Variants in MMUT observed in about 807,000 individuals in gnomAD.
MMUT encodes the protein methylmalonyl-CoA mutase, mitochondrial.
In MMUT, 79 loss-of-function variants were observed where a neutral mutation model predicts 79.9. That is an observed-to-expected ratio of 0.99 (90% CI 0.82 to 1.19). The LOEUF (loss-of-function observed/expected upper bound fraction) is 1.19, where lower values mean the gene tolerates loss of function less well. Ranked by LOEUF, MMUT falls within the 50% of genes most tolerant of loss-of-function variation. The pLI is 0.00. For missense variants in MMUT, 860 were observed against 917.2 expected (o/e 0.94, Z 0.81); for synonymous variants, 273 against 295.7 (o/e 0.92, Z 0.79).
chr6:49,444,769 A>G lies in MMUT; in HGVS notation c.1561-15T>C. On this transcript the variant is annotated splice_polypyrimidine_tract_variant and intron_variant, in intron 8 of 12. Transcript: ENST00000274813. ...CTGGATTTGATCTATGGAAAAAGTCAAGGAAAGGGACAATTTACATGAAGA... is the reference window on the plus strand; with the variant it reads ...CTGGATTTGATCTATGGAAAAAGTCGAGGAAAGGGACAATTTACATGAAGA... 6.3e-7 allele frequency: 1 copy of G among 1,578,790 alleles called. No individual in the cohort carries two copies. The highest frequency in any genetic ancestry group is 2.2e-5 in the East Asian group (1 of 44,716).
In MMUT at chr6:49,431,385, C is replaced by T. The variant is rs1307363938; in HGVS notation, c.*343G>A. 3 of 166,232 alleles carry T rather than the reference C, an allele frequency of 1.8e-5. No individual in the cohort carries two copies. The highest frequency in any genetic ancestry group is 3.9e-5 in the Non-Finnish European group (3 of 76,982). 10.3% of individuals were successfully genotyped at this position (166,232 alleles called of 1,614,324 possible). A position where few individuals can be genotyped will look rare whatever the true frequency, so the allele number is the denominator to read the frequency against. The stretch of plus-strand genomic sequence containing the variant: ...GGAATAGTCAGAGTTTTTTTAGGTA[C>T]AGTTTAATTCTTAATATAAAAAGTA... On this transcript the variant is annotated 3_prime_UTR_variant, in exon 13 of 13. Coordinates refer to ENST00000274813, the MANE Select transcript of MMUT (RefSeq NM_000255.4).
intron 9 of MMUT, among the ~76,000 whole-genome samples, chr6:49,443,336 A>T (rs1186264485): frequency 6.6e-6 from 1 of 152,176 alleles, no homozygotes; most frequent in East Asian, 1.9e-4. Context: ...AAAGATTCCG[A>T]ATCCCTAAGC....
chr6:49,431,655 A>C lies in MMUT; in HGVS notation c.*73T>G, dbSNP rs548852414. The C allele has an allele frequency of 6.8e-7, 1 of 1,479,962 alleles. No homozygotes were observed. Among genetic ancestry groups the C allele is most frequent in the South Asian group, 1.2e-5 (1 of 85,218 alleles). The allele number at this position is 1,479,962 out of a possible 1,614,324, so 91.7% of individuals were successfully genotyped here. A position where few individuals can be genotyped will look rare whatever the true frequency, so the allele number is the denominator to read the frequency against. On this transcript the variant is annotated 3_prime_UTR_variant, in exon 13 of 13. Coordinates refer to ENST00000274813, the MANE Select transcript of MMUT (RefSeq NM_000255.4). ...ATCAGGTATTGAAATTAAATTGAAG[A>C]CATAGCTTTACTCTCTTCTTTGATC...
At chr6:49,445,516 C>T (rs1354532240) in intron 8 of MMUT, among the ~76,000 whole-genome samples, 1 of 152,020 alleles carries the variant, frequency 6.6e-6, no homozygotes, top group Admixed American at 6.6e-5. Context: ...CCACTGCCCA[C>T]CCTATCCACA....
intron 9 of MMUT, among the ~76,000 whole-genome samples, chr6:49,442,510 G>C (rs1767303189): frequency 6.6e-6 from 1 of 152,044 alleles, no homozygotes; most frequent in Admixed American, 6.6e-5. Flanking sequence ...AGAGGATGCA[G>C]ATGATAAATA....
intron 12 of MMUT, among the ~76,000 whole-genome samples, chr6:49,433,344 T>C (rs1427119391): frequency 6.6e-6 from 1 of 152,192 alleles, no homozygotes; most frequent in African/African-American, 2.4e-5. Flanking sequence ...CTGCAAGATG[T>C]TGCAACTGAA....
intron 1 of MMUT, among the ~76,000 whole-genome samples, chr6:49,461,425 C>T (rs929743050): frequency 6.6e-6 from 1 of 152,250 alleles, no homozygotes; most frequent in East Asian, 1.9e-4. Flanking sequence ...ATTGTAAGTG[C>T]AACAGGTTCA....
chr6:49,437,063 T>TA (rs1423194087), intron 11 of MMUT, among the ~76,000 whole-genome samples: 1 of 152,056 alleles, frequency 6.6e-6, no homozygotes, highest in East Asian at 1.9e-4. Flanking sequence ...AAATAAAAGT[T>TA]AAAAAAACAA....
intron 12 of MMUT, among the ~76,000 whole-genome samples, chr6:49,432,831 A>G (rs1208829188): frequency 6.6e-6 from 1 of 152,298 alleles, no homozygotes; most frequent in African/African-American, 2.4e-5. Flanking sequence ...GAACCTGATC[A>G]TTATCCAGTA....
At chr6:49,452,079 A>C (rs1260123344) in intron 5 of MMUT, among the ~76,000 whole-genome samples, 2 of 152,202 alleles carry the variant, frequency 1.3e-5, no homozygotes, top group Non-Finnish European at 2.9e-5. Flanking sequence ...CACAGTATCT[A>C]CCACAATGAT....
intron 10 of MMUT, 39 bp from the exon 11 acceptor site, chr6:49,440,392 A>G (rs1767244446): frequency 1.3e-6 from 2 of 1,597,424 alleles, no homozygotes; most frequent in South Asian, 2.2e-5. Context: ...GTTAGATACT[A>G]ATTTTCCAAA....
rs1766984611 is a variant in MMUT at position 49,431,756 on chromosome 6, C to T, written c.2225G>A (p.Cys742Tyr). 3 of 1,613,838 alleles carry T rather than the reference C, an allele frequency of 1.9e-6. No homozygotes were observed. Among genetic ancestry groups the T allele is most frequent in the Non-Finnish European group, 2.5e-6 (3 of 1,179,870 alleles). ...AVQVLDDIEK[C>Y]LEKKQQSV ...TACAGATTGCTGCTTCTTTTCCAAACACTTCTCAATATCATCAAGCACCTG... is the reference window on the plus strand; with the variant it reads ...TACAGATTGCTGCTTCTTTTCCAAATACTTCTCAATATCATCAAGCACCTG... Residue 742 changes from cysteine to tyrosine, a missense_variant, in exon 13 of 13, where the codon TGT (cysteine) becomes TAT (tyrosine). By Grantham distance (194) the Cys-to-Tyr change is radical. Transcript: ENST00000274813.
intron 4 of MMUT, 79 bp downstream of exon 4, chr6:49,456,001 T>G: frequency 4.9e-6 from 6 of 1,219,032 alleles, no homozygotes; most frequent in Non-Finnish European, 7.0e-6. Flanking sequence ...TTTATATTTA[T>G]AAATTCATTT....
rs890404598 is a variant in MMUT at position 49,457,726 on chromosome 6, T to C, written c.718A>G (p.Lys240Glu). The C allele has an allele frequency of 6.2e-7, 1 of 1,612,294 alleles. No homozygotes were observed. The highest frequency in any genetic ancestry group is 8.5e-7 in the Non-Finnish European group (1 of 1,179,204). The change falls in exon 3 of 13, where the codon AAA (lysine) becomes GAA (glutamate). Residue 240 changes from lysine to glutamate, a missense_variant. Physicochemically the swap from Lys to Glu is moderately conservative, Grantham distance 56 (BLOSUM62 1). Transcript: ENST00000274813. ...TYIFPPEPSM[K>E]IIADIFEYTA... is the part of the protein sequence containing the mutation. The stretch of plus-strand genomic sequence containing the variant: ...TATTCAAATATGTCAGCAATAATTT[T>C]CATGGATGGTTCTGGAGGAAAAATG...
intron 11 of MMUT, among the ~76,000 whole-genome samples, chr6:49,436,586 A>C (rs927379686): frequency 6.6e-6 from 1 of 150,578 alleles, no homozygotes; most frequent in Non-Finnish European, 1.5e-5. Context: ...GCATGGATGA[A>C]AGAGCGAGAC....
chr6:49,462,255 T>TG (rs1767870782), intron 1 of MMUT, among the ~76,000 whole-genome samples: 1 of 152,278 alleles, frequency 6.6e-6, no homozygotes, highest in Non-Finnish European at 1.5e-5. Flanking sequence ...GAGCAATGAT[T>TG]AATCCCACCC....
intron 6 of MMUT, among the ~76,000 whole-genome samples, chr6:49,449,223 G>A (rs1359907218): frequency 6.6e-6 from 1 of 152,040 alleles, no homozygotes; most frequent in Non-Finnish European, 1.5e-5. Flanking sequence ...GGTACATAAA[G>A]TTTTCATAAT....
At chr6:49,453,811 A>G in intron 4 of MMUT, 55 bp from the exon 5 acceptor site, 1 of 1,407,536 alleles carries the variant, frequency 7.1e-7, no homozygotes, top group Non-Finnish European at 1.0e-6. Flanking sequence ...TATAGAGCAG[A>G]AAATAAAACT....
chr6:49,431,986 G>T, intron 12 of MMUT, 130 bp from the exon 13 acceptor site: 2 of 1,037,806 alleles, frequency 1.9e-6, no homozygotes, highest in Non-Finnish European at 2.9e-6. Flanking sequence ...GGCATTTGGG[G>T]CTAAAAAATT....
Sources: gnomAD v4.1 joint callset for allele counts (sites outside exome capture counted in the v4.1 genomes callset) on GRCh38, gnomAD v4.1.1 for gene constraint, MANE v1.5 for transcripts, NCBI Gene and HGNC (gene_info 2026-07-23, HGNC 2026-07-21) for gene names.